Variants in PCED1B observed in about 807,000 individuals in gnomAD.
The protein encoded by PCED1B is PC-esterase domain-containing protein 1B.
For synonymous variants in PCED1B, 251 were observed against 246.1 expected, an observed-to-expected ratio of 1.02 and a Z score of -0.19; for missense variants, 573 against 573.9, an observed-to-expected ratio of 1.00 and a Z score of 0.02.
At chr12:47,179,124 T>C (rs1001684092) in intron 2 of PCED1B, among the ~76,000 whole-genome samples, 1 of 152,226 alleles carries the variant, frequency 6.6e-6, no homozygotes, top group African/African-American at 2.4e-5. Flanking sequence ...AATTATCTAC[T>C]GTGAGGTTGC....
chr12:47,115,233 G>A (rs1278443245), intron 2 of PCED1B, among the ~76,000 whole-genome samples: 2 of 152,112 alleles, frequency 1.3e-5, no homozygotes, highest in Non-Finnish European at 2.9e-5. Context: ...GGGGAATTAC[G>A]GTGGTAAACA....
At chr12:47,095,634 G>C (rs997511854) in intron 1 of PCED1B, among the ~76,000 whole-genome samples, 1 of 151,626 alleles carries the variant, frequency 6.6e-6, no homozygotes, top group African/African-American at 2.4e-5. Flanking sequence ...TATTTATCTG[G>C]GTTCCAGCTC....
chr12:47,233,286 T>C (rs888353138), intron 3 of PCED1B, among the ~76,000 whole-genome samples: 2 of 152,114 alleles, frequency 1.3e-5, no homozygotes, highest in African/African-American at 2.4e-5. Context: ...TCTGTTCAGG[T>C]GTCCGCCACC....
intron 2 of PCED1B, among the ~76,000 whole-genome samples, chr12:47,146,896 C>T (rs1480723062): frequency 6.6e-6 from 1 of 151,644 alleles, no homozygotes; most frequent in Admixed American, 6.6e-5. Context: ...ATCTCTGAGT[C>T]ATTTCTTTCC....
intron 2 of PCED1B, among the ~76,000 whole-genome samples, chr12:47,202,613 A>AG (rs1359905454): frequency 4.4e-4 from 66 of 150,192 alleles, no homozygotes; most frequent in African/African-American, 1.5e-3. Context: ...AAAAAAAAAA[A>AG]AAAAAAGAAA....
chr12:47,189,001 A>C (rs1942361966), intron 2 of PCED1B, among the ~76,000 whole-genome samples: 1 of 152,128 alleles, frequency 6.6e-6, no homozygotes, highest in Non-Finnish European at 1.5e-5. Context: ...GTTTACTCAA[A>C]GTACCAGAAA....
At chr12:47,171,897 C>T (rs1001935969) in intron 2 of PCED1B, among the ~76,000 whole-genome samples, 91 of 138,586 alleles carry the variant, frequency 6.6e-4, no homozygotes, top group African/African-American at 2.0e-3. Flanking sequence ...CTTCTTCTTC[C>T]TCTTCTTCCT....
chr12:47,082,955 A>G (rs367765557), intron 1 of PCED1B, among the ~76,000 whole-genome samples: 24 of 150,880 alleles, frequency 1.6e-4, no homozygotes, highest in African/African-American at 4.9e-4. Context: ...AATGACTCCA[A>G]GGGATAGTAG....
chr12:47,176,853 G>A (rs1030646151), intron 2 of PCED1B, among the ~76,000 whole-genome samples: 11 of 149,780 alleles, frequency 7.3e-5, no homozygotes, highest in Admixed American at 6.6e-4. Context: ...GGTCAGTGTG[G>A]GGAGAAAAAA....
In PCED1B at chr12:47,235,922, G is replaced by GCCTTACCTCTGTCCCCAC; in HGVS notation, c.868_885dup (p.Leu290_Pro295dup). 6.2e-7 allele frequency: 1 copy of GCCTTACCTCTGTCCCCAC among 1,609,866 alleles called. No homozygotes were observed. The highest frequency in any genetic ancestry group is 2.2e-5 in the East Asian group (1 of 44,628). On this transcript the variant is annotated inframe_insertion, in exon 4 of 4. Coordinates refer to ENST00000546455, the MANE Select transcript of PCED1B (RefSeq NM_138371.3). ...GCCCCAGGCCAACAGAAATCACCCGGCCTTACCTCTGTCCCCACCCTTACC... is the reference window on the plus strand; with the variant it reads ...GCCCCAGGCCAACAGAAATCACCCGGCCTTACCTCTGTCCCCACCCTTACCTCTGTCCCCACCCTTACC...
intron 2 of PCED1B, among the ~76,000 whole-genome samples, chr12:47,172,340 C>CTTTTTT (rs34230051): frequency 1.3e-5 from 1 of 78,328 alleles, no homozygotes; most frequent in Non-Finnish European, 2.4e-5. Context: ...TCGTGGGTTG[C>CTTTTTT]TTTTTTTTTT....
intron 2 of PCED1B, among the ~76,000 whole-genome samples, chr12:47,129,010 C>G (rs1316713658): frequency 1.3e-5 from 2 of 152,188 alleles, no homozygotes; most frequent in Non-Finnish European, 2.9e-5. Flanking sequence ...ATCCACAGCT[C>G]CTTTCTCCAT....
chr12:47,214,599 C>T (rs1428104482), intron 2 of PCED1B, among the ~76,000 whole-genome samples: 1 of 151,606 alleles, frequency 6.6e-6, no homozygotes, highest in African/African-American at 2.4e-5. Context: ...CTTGAGCCCA[C>T]GAGTTCAAGA....
chr12:47,148,319 C>A lies in PCED1B; in HGVS notation c.-526+44124C>A, dbSNP rs143627434. Among the ~76,000 whole-genome samples the A allele has an allele frequency of 7.5e-4, 114 of 152,284 alleles. No homozygotes were observed. In the East Asian group the frequency reaches 0.015, roughly 20 times the overall value. The stretch of plus-strand genomic sequence containing the variant: ...TATGATTTTAGAGGGGACATTAAAT[C>A]CACAGCAGTTAGTACAATCAAATTA... On this transcript the variant is annotated intron_variant, in intron 2 of 3. Coordinates refer to ENST00000546455, the MANE Select transcript of PCED1B (RefSeq NM_138371.3).
At chr12:47,085,791 A>T (rs1937952515) in intron 1 of PCED1B, among the ~76,000 whole-genome samples, 1 of 152,148 alleles carries the variant, frequency 6.6e-6, no homozygotes, top group Non-Finnish European at 1.5e-5. Flanking sequence ...CCTTTGTGAG[A>T]AGAAAAAGTA....
intron 3 of PCED1B, among the ~76,000 whole-genome samples, chr12:47,221,475 C>T (rs888211007): frequency 2.0e-5 from 3 of 151,738 alleles, no homozygotes; most frequent in Non-Finnish European, 2.9e-5. Context: ...CACCACGCCC[C>T]GCCAACATGA....
intron 3 of PCED1B, among the ~76,000 whole-genome samples, chr12:47,224,905 C>T (rs1050517858): frequency 6.6e-6 from 1 of 152,112 alleles, no homozygotes; most frequent in Non-Finnish European, 1.5e-5. Context: ...ACAGTCTTTC[C>T]AGTGGTTATT....
intron 2 of PCED1B, among the ~76,000 whole-genome samples, chr12:47,200,476 T>C (rs879396816): frequency 6.6e-6 from 1 of 152,168 alleles, no homozygotes; most frequent in Non-Finnish European, 1.5e-5. Flanking sequence ...CAACAAGAAT[T>C]TTCATTTGTT....
intron 2 of PCED1B, among the ~76,000 whole-genome samples, chr12:47,139,919 A>G (rs1030816212): frequency 6.6e-6 from 1 of 152,016 alleles, no homozygotes; most frequent in African/African-American, 2.4e-5. Flanking sequence ...TATAGTGTGT[A>G]CATGTGTGTT....
Sources: allele counts gnomAD v4.1 joint callset (sites outside exome capture counted in the v4.1 genomes callset), GRCh38; gene constraint gnomAD v4.1.1; transcripts MANE v1.5; gene names NCBI Gene and HGNC (gene_info 2026-07-23, HGNC 2026-07-21).